Variants in ZFHX3 observed in about 807,000 individuals in gnomAD.
ZFHX3 encodes zinc finger homeobox protein 3.
Under a neutral mutation model 279.1 loss-of-function variants are expected in ZFHX3, and 42 were observed. The observed-to-expected ratio is 0.15, with a 90% CI of 0.12 to 0.19. The LOEUF is 0.19. ZFHX3 is among the 10% of genes least tolerant of loss of function. The pLI, the probability that ZFHX3 is intolerant of heterozygous loss-of-function variation, is 1.00. For synonymous variants in ZFHX3, 2,293 were observed against 1,957.8 expected, an observed-to-expected ratio of 1.17 and a Z score of -4.52; for missense variants, 4,981 against 4,754.0, an observed-to-expected ratio of 1.05 and a Z score of -1.40.
intron 3 of ZFHX3, among the ~76,000 whole-genome samples, chr16:73,363,777 C>T (rs1371045443): frequency 1.3e-5 from 2 of 152,078 alleles, no homozygotes; most frequent in African/African-American, 4.8e-5. Flanking sequence ...CCCCAGGATA[C>T]AACAGATAAG....
Position 72,784,978 on chromosome 16 carries a change from G to A in ZFHX3, c.*2186C>T, listed in dbSNP as rs1037443140. 6.6e-6 allele frequency: 1 copy of A among 152,536 alleles called. No homozygotes were observed. Among genetic ancestry groups the A allele is most frequent in the Non-Finnish European group, 1.5e-5 (1 of 68,030 alleles). 9.4% of individuals were successfully genotyped at this position (152,536 alleles called of 1,614,324 possible). A position where few individuals can be genotyped will look rare whatever the true frequency, so the allele number is the denominator to read the frequency against. ...GAATGCTCCAGTCTTTTGCAAAGTC[G>A]ATGAGTGGCTTCAGCACTGGGGAAA... On this transcript the variant is annotated 3_prime_UTR_variant, in exon 10 of 10. Coordinates refer to ENST00000268489, the MANE Select transcript of ZFHX3 (RefSeq NM_006885.4).
intron 3 of ZFHX3, among the ~76,000 whole-genome samples, chr16:73,427,591 T>C (rs996220): frequency 0.93 from 141,738 of 151,896 alleles, 66,226 homozygotes; most frequent in African/African-American, 0.98. Context: ...TGCACGTTGG[T>C]GGTACAAATC....
At chr16:73,416,621 C>G (rs769828233) in intron 3 of ZFHX3, among the ~76,000 whole-genome samples, 6 of 152,140 alleles carry the variant, frequency 3.9e-5, no homozygotes, top group Non-Finnish European at 8.8e-5. Flanking sequence ...CGCCTGTAAT[C>G]CCAGCACTTT....
At chr16:73,654,166 A>C (rs999036786) in intron 2 of ZFHX3, among the ~76,000 whole-genome samples, 2 of 150,260 alleles carry the variant, frequency 1.3e-5, no homozygotes, top group African/African-American at 4.9e-5. Context: ...CCTGGGTGAC[A>C]GAGCGAGACT....
chr16:72,928,976 G>A (rs1302173977), intron 3 of ZFHX3, among the ~76,000 whole-genome samples: 2 of 152,142 alleles, frequency 1.3e-5, no homozygotes, highest in African/African-American at 4.8e-5. Flanking sequence ...GGGAGCTCAT[G>A]CCTATAACCC....
chr16:73,841,927 GA>G (rs1567427650), intron 1 of ZFHX3, among the ~76,000 whole-genome samples: 1 of 151,998 alleles, frequency 6.6e-6, no homozygotes, highest in African/African-American at 2.4e-5. Flanking sequence ...GAAAAACAAT[GA>G]TCACAGTCAG....
chr16:73,806,694 T>A (rs2142332078), intron 1 of ZFHX3, among the ~76,000 whole-genome samples: 1 of 152,316 alleles, frequency 6.6e-6, no homozygotes, highest in African/African-American at 2.4e-5. Context: ...TGCTTCCTCA[T>A]TGCTTGCCCT....
At chr16:73,758,635 G>A (rs1239871348) in intron 1 of ZFHX3, among the ~76,000 whole-genome samples, 1 of 152,144 alleles carries the variant, frequency 6.6e-6, no homozygotes, top group Non-Finnish European at 1.5e-5. Context: ...TAAGTGGCCT[G>A]GTCTGAATAC....
intron 4 of ZFHX3, among the ~76,000 whole-genome samples, chr16:72,883,280 A>G (rs188640251): frequency 1.3e-5 from 2 of 152,246 alleles, no homozygotes; most frequent in Non-Finnish European, 2.9e-5. Context: ...GTAAATGCAA[A>G]ATGCAGGAGA....
At chr16:73,469,080 G>A (rs1258256059) in intron 2 of ZFHX3, among the ~76,000 whole-genome samples, 2 of 152,212 alleles carry the variant, frequency 1.3e-5, no homozygotes, top group African/African-American at 4.8e-5. Flanking sequence ...ATCTGTAGAG[G>A]CCACTGTTAA....
At chr16:73,522,650 A>C (rs1736445001) in intron 2 of ZFHX3, among the ~76,000 whole-genome samples, 1 of 152,204 alleles carries the variant, frequency 6.6e-6, no homozygotes, top group African/African-American at 2.4e-5. Context: ...TCCTGAGGAC[A>C]GGGTGCCCTA....
At position 73,687,041 on chromosome 16, in the gene ZFHX3, TATATA is replaced by T. The variant is rs1238587976; in HGVS notation, c.-1607-6806_-1607-6802del. Among the ~76,000 whole-genome samples, 4 of 117,632 alleles carry T rather than the reference TATATA, an allele frequency of 3.4e-5. 1 individual carries two copies. The East Asian group carries it at 1.1e-3, about 32-fold the overall frequency. The allele number at this position is 117,632 out of a possible 152,430, so 77.2% of individuals were successfully genotyped here. A position where few individuals can be genotyped will look rare whatever the true frequency, so the allele number is the denominator to read the frequency against. On this transcript the variant is annotated intron_variant, in intron 1 of 17. Coordinates refer to the ZFHX3 transcript ENST00000641206. ...ATATATATATATATATATATATATA[TATATA>T]TATATATATATATATATATTTGCAG...
intron 2 of ZFHX3, among the ~76,000 whole-genome samples, chr16:73,603,477 G>A (rs149324207): frequency 3.3e-5 from 5 of 152,134 alleles, no homozygotes; most frequent in East Asian, 1.9e-4. Flanking sequence ...TTAAAAATAC[G>A]AGAATACTGA....
intron 1 of ZFHX3, among the ~76,000 whole-genome samples, chr16:73,787,248 C>T (rs954396662): frequency 6.6e-6 from 1 of 152,140 alleles, no homozygotes; most frequent in Non-Finnish European, 1.5e-5. Flanking sequence ...AACAAATGAT[C>T]ATCACTGATT....
chr16:73,801,493 T>C (rs557084185), intron 1 of ZFHX3, among the ~76,000 whole-genome samples: 159 of 152,320 alleles, frequency 1.0e-3, no homozygotes, highest in African/African-American at 3.8e-3. Flanking sequence ...GGAGACAGCA[T>C]AAACCAGGAA....
intron 5 of ZFHX3, among the ~76,000 whole-genome samples, chr16:73,185,162 G>A (rs74505826): frequency 0.021 from 3,264 of 152,168 alleles, 131 homozygotes; most frequent in African/African-American, 0.075. Flanking sequence ...AAGAAGGGAC[G>A]ACCTGAGCAG....
intron 5 of ZFHX3, among the ~76,000 whole-genome samples, chr16:72,815,127 G>A (rs1567529965): frequency 6.6e-6 from 1 of 152,116 alleles, no homozygotes; most frequent in Non-Finnish European, 1.5e-5. Context: ...GCAAGTTCTG[G>A]CAAGGTGCAG....
At chr16:73,248,259 T>G (rs2013365591) in intron 5 of ZFHX3, among the ~76,000 whole-genome samples, 1 of 151,930 alleles carries the variant, frequency 6.6e-6, no homozygotes, top group South Asian at 2.1e-4. Flanking sequence ...TATGTGCGTG[T>G]ATGTGGAATG....
At chr16:73,358,726 A>G (rs527866022) in intron 3 of ZFHX3, among the ~76,000 whole-genome samples, 1 of 152,336 alleles carries the variant, frequency 6.6e-6, no homozygotes, top group South Asian at 2.1e-4. Flanking sequence ...TATGGACTGT[A>G]AAACAACTCT....
Sources: gnomAD v4.1 joint callset for allele counts (sites outside exome capture counted in the v4.1 genomes callset) on GRCh38, gnomAD v4.1.1 for gene constraint, MANE v1.5 for transcripts, NCBI Gene and HGNC (gene_info 2026-07-23, HGNC 2026-07-21) for gene names.